Variants in CLTRN observed in about 807,000 individuals in gnomAD.
The protein encoded by CLTRN is collectrin.
CLTRN carries 12 observed loss-of-function variants against 14.5 expected under a neutral mutation model. That is an observed-to-expected ratio of 0.83 (90% CI 0.53 to 1.34). The LOEUF is 1.34. Ranked by LOEUF, CLTRN falls within the 40% of genes most tolerant of loss-of-function variation. The pLI is 0.00. For synonymous variants in CLTRN, 58 were observed against 56.5 expected, an observed-to-expected ratio of 1.03 and a Z score of -0.12; for missense variants, 154 against 165.1, an observed-to-expected ratio of 0.93 and a Z score of 0.37.
At chrX:15,654,581 C>A (rs994360413) in intron 3 of CLTRN, among the ~76,000 whole-genome samples, 2 of 112,428 alleles carry the variant, frequency 1.8e-5, no homozygotes, top group Non-Finnish European at 3.8e-5. Context: ...CTAATGAAAC[C>A]AGAGCTTTCC....
chrX:15,661,313 T>A (rs1371356336), intron 2 of CLTRN, among the ~76,000 whole-genome samples: 2 of 112,306 alleles, frequency 1.8e-5, no homozygotes, highest in African/African-American at 3.2e-5. Flanking sequence ...CAACTTGACC[T>A]GATCTCCTGT....
At chrX:15,633,063 T>C (rs971626596) in intron 5 of CLTRN, among the ~76,000 whole-genome samples, 1 of 110,474 alleles carries the variant, frequency 9.1e-6, no homozygotes, top group African/African-American at 3.3e-5. Context: ...ACTGGAATGA[T>C]TTGAGTGGGC....
chrX:15,649,955 A>G (rs1236873538), intron 3 of CLTRN, among the ~76,000 whole-genome samples: 2 of 107,006 alleles, frequency 1.9e-5, no homozygotes, highest in Non-Finnish European at 3.8e-5. Flanking sequence ...GTTATTTAAC[A>G]TGATATCATA....
At chrX:15,658,684 T>A (rs1228559624) in intron 3 of CLTRN, among the ~76,000 whole-genome samples, 4 of 102,988 alleles carry the variant, frequency 3.9e-5, no homozygotes, top group Non-Finnish European at 7.8e-5. Flanking sequence ...AAGAGTAAAA[T>A]TCTTTGGTAT....
intron 1 of CLTRN, among the ~76,000 whole-genome samples, chrX:15,672,593 A>G (rs1047434636): frequency 2.7e-5 from 3 of 111,162 alleles, no homozygotes; most frequent in Non-Finnish European, 3.8e-5. Flanking sequence ...GAATTAATCA[A>G]TATCTCAGAA....
chrX:15,665,066 C>G (rs186056383), upstream of CLTRN: 1 of 288,336 alleles, frequency 3.5e-6, no homozygotes, highest in East Asian at 6.6e-5. Flanking sequence ...TTGGAATCCT[C>G]CCCGACCCCT....
At chrX:15,644,037 TA>T (rs1157477333) in intron 4 of CLTRN, among the ~76,000 whole-genome samples, 1 of 112,100 alleles carries the variant, frequency 8.9e-6, no homozygotes, top group Non-Finnish European at 1.9e-5. Flanking sequence ...TTGAAAGAAA[TA>T]CAAGTTGCAT....
chrX:15,628,536 A>C (rs924545378), intron 5 of CLTRN, among the ~76,000 whole-genome samples: 5 of 112,533 alleles, frequency 4.4e-5, no homozygotes, highest in African/African-American at 1.6e-4. Flanking sequence ...AGGAGAACTT[A>C]ATAACAATTG....
At chrX:15,669,665 T>C (rs979182348), upstream of CLTRN, among the ~76,000 whole-genome samples, 6 of 111,936 alleles carry the variant, frequency 5.4e-5, no homozygotes, top group South Asian at 2.2e-3. Context: ...TCATGCAAGA[T>C]CCCTTAAGTT....
At chrX:15,655,413 A>G (rs1929328618) in intron 3 of CLTRN, among the ~76,000 whole-genome samples, 1 of 111,135 alleles carries the variant, frequency 9.0e-6, no homozygotes, top group East Asian at 2.9e-4. Context: ...TTCCCCTGAC[A>G]TGGGTGACAC....
intron 1 of CLTRN, among the ~76,000 whole-genome samples, chrX:15,670,252 G>A (rs1929690258): frequency 9.2e-6 from 1 of 108,817 alleles, no homozygotes; most frequent in African/African-American, 3.4e-5. Context: ...ACTCCAGTCT[G>A]TGTGACAGAG....
rs191794502 is a variant in CLTRN, at chrX:15,641,970, A to T, written c.318-2214T>A. Among the ~76,000 whole-genome samples the T allele has an allele frequency of 3.1e-3, 352 of 111,797 alleles. 2 individuals are homozygous for T. Among genetic ancestry groups the T allele is most frequent in the Non-Finnish European group, 5.3e-3 (281 of 53,205 alleles). Reference sequence around the variant, plus strand: ...ATGATTATTCATGGATGTGAAAGTGAACTCTAGCCAGATAATCTACAACAA... The same window carrying T: ...ATGATTATTCATGGATGTGAAAGTGTACTCTAGCCAGATAATCTACAACAA... On this transcript the variant is annotated intron_variant, in intron 4 of 5. Coordinates refer to ENST00000380342, the MANE Select transcript of CLTRN (RefSeq NM_020665.6).
intron 2 of CLTRN, among the ~76,000 whole-genome samples, chrX:15,663,337 C>T (rs1929551618): frequency 8.9e-6 from 1 of 112,238 alleles, no homozygotes; most frequent in Non-Finnish European, 1.9e-5. Flanking sequence ...GTGTATTCTG[C>T]ACTCAGACTG....
chrX:15,646,208 C>T (rs1352132621), intron 3 of CLTRN: 2 of 208,839 alleles, frequency 9.6e-6, no homozygotes, highest in Non-Finnish European at 1.8e-5. Context: ...CTGGCCTGGC[C>T]GTGGCCTCCT....
At chrX:15,664,927 G>C (rs1456279963), upstream of CLTRN, 3 of 446,646 alleles carry the variant, frequency 6.7e-6, no homozygotes, top group Non-Finnish European at 7.8e-6. Flanking sequence ...CCCATCATTT[G>C]GGTTAATACT....
At chrX:15,674,833 C>T (rs1473055609) in intron 1 of CLTRN, 1 of 112,912 alleles carries the variant, frequency 8.9e-6, no homozygotes, top group Non-Finnish European at 1.9e-5. Flanking sequence ...GGCCTGGGAA[C>T]CTAACGCGTG....
At chrX:15,628,315 T>C (rs1928611571) in intron 5 of CLTRN, among the ~76,000 whole-genome samples, 188 bp from the exon 6 acceptor site, 1 of 112,271 alleles carries the variant, frequency 8.9e-6, no homozygotes, top group Non-Finnish European at 1.9e-5. Context: ...GGTGAAAAGA[T>C]ACTATCAAGA....
chrX:15,659,462 T>G (rs1929453526), intron 2 of CLTRN, among the ~76,000 whole-genome samples: 1 of 111,401 alleles, frequency 9.0e-6, no homozygotes, highest in Admixed American at 9.6e-5. Context: ...CCCTCCCAGT[T>G]GCCTTTATTA....
chrX:15,674,022 T>C (rs1388879927), intron 1 of CLTRN, among the ~76,000 whole-genome samples: 1 of 112,422 alleles, frequency 8.9e-6, no homozygotes, highest in Non-Finnish European at 1.9e-5. Context: ...TTCTCAATTC[T>C]TGTGCCATCT....
Sources: allele counts gnomAD v4.1 joint callset (sites outside exome capture counted in the v4.1 genomes callset), GRCh38; gene constraint gnomAD v4.1.1; transcripts MANE v1.5; gene names NCBI Gene and HGNC (gene_info 2026-07-23, HGNC 2026-07-21).